Variants in SGCG observed in about 807,000 individuals in gnomAD.
The protein encoded by SGCG is sarcoglycan gamma, also known as gamma-sarcoglycan.
A neutral mutation model predicts 29.3 loss-of-function variants in SGCG; 26 were observed. The ratio of observed to expected loss-of-function variants is 0.89; its 90% CI spans 0.65 to 1.23. SGCG has a LOEUF of 1.23. Ranked by LOEUF, SGCG falls within the 50% of genes most tolerant of loss-of-function variation. The probability of loss-of-function intolerance (pLI) is 0.00; values close to 1 mark genes in which losing one functional copy is unlikely to be tolerated. For missense variants in SGCG, 353 were observed against 356.0 expected (o/e 0.99, Z 0.07); for synonymous variants, 145 against 129.7 (o/e 1.12, Z -0.80).
intron 3 of SGCG, among the ~76,000 whole-genome samples, chr13:23,241,227 AC>A (rs1298166008): frequency 6.6e-6 from 1 of 151,946 alleles, no homozygotes; most frequent in African/African-American, 2.4e-5. Context: ...AACATGTTAG[AC>A]CAAAAATCAA....
intron 3 of SGCG, among the ~76,000 whole-genome samples, chr13:23,235,995 G>C (rs1323841209): frequency 1.3e-5 from 2 of 152,168 alleles, no homozygotes; most frequent in African/African-American, 2.4e-5. Context: ...ATCCCAGTAA[G>C]TGAAAAGTAC....
chr13:23,242,672 G>T (rs1475282818), intron 3 of SGCG, among the ~76,000 whole-genome samples: 1 of 152,062 alleles, frequency 6.6e-6, no homozygotes, highest in Non-Finnish European at 1.5e-5. Flanking sequence ...GGCATCATTA[G>T]CTAATGATAA....
At chr13:23,240,572 A>G (rs1170929245) in intron 3 of SGCG, among the ~76,000 whole-genome samples, 1 of 152,252 alleles carries the variant, frequency 6.6e-6, no homozygotes, top group Non-Finnish European at 1.5e-5. Context: ...TTTGAACCAT[A>G]AAACAATCTG....
chr13:23,264,200 A>T (rs974966715), intron 4 of SGCG, among the ~76,000 whole-genome samples: 17 of 152,176 alleles, frequency 1.1e-4, no homozygotes, highest in African/African-American at 3.9e-4. Context: ...CCTCCAGAAG[A>T]CTCCTAGATT....
Position 23,320,686 on chromosome 13 carries a change from C to A in SGCG, c.628C>A (p.His210Asn), listed in dbSNP as rs368027244. Residue 210 changes from histidine to asparagine, a missense_variant, in exon 7 of 8, where the codon CAT (histidine) becomes AAT (asparagine). Physicochemically the swap from His to Asn is moderately conservative, Grantham distance 68. Transcript: ENST00000218867. ...AAGCATGGATGCCCCAAGGGGTGTG[C>A]ATATTCAAGCTCACGCTGGGAAAAT... ...SLSMDAPRGV[H>N]IQAHAGKIEA... 8 of 1,605,678 alleles carry A rather than the reference C, an allele frequency of 5.0e-6. No individual in the cohort carries two copies. The highest frequency in any genetic ancestry group is 6.8e-6 in the Non-Finnish European group (8 of 1,175,788).
chr13:23,160,679 C>T, the SGCG span, among the ~76,000 whole-genome samples: 1 of 152,152 alleles, frequency 6.6e-6, no homozygotes, highest in South Asian at 2.1e-4. Context: ...GCCACTTCGC[C>T]TTCAGTTCCC....
chr13:23,322,326 C>T (rs745664998), intron 7 of SGCG, among the ~76,000 whole-genome samples: 9 of 152,272 alleles, frequency 5.9e-5, no homozygotes, highest in South Asian at 2.1e-4. Context: ...ACAGACAGGG[C>T]GGTCCAGTAG....
the SGCG span, among the ~76,000 whole-genome samples, chr13:23,169,262 A>T: frequency 1.6e-3 from 236 of 152,008 alleles, no homozygotes; most frequent in South Asian, 7.9e-3. Flanking sequence ...GACTGATGGC[A>T]GGGAGTCATT....
At chr13:23,314,176 G>C (rs1428861590) in intron 6 of SGCG, among the ~76,000 whole-genome samples, 1 of 135,748 alleles carries the variant, frequency 7.4e-6, no homozygotes, top group Non-Finnish European at 1.7e-5. Context: ...GTTTTGAACA[G>C]TATATATATA....
chr13:23,305,073 A>G (rs1293040811), intron 6 of SGCG, among the ~76,000 whole-genome samples: 8 of 152,196 alleles, frequency 5.3e-5, no homozygotes, highest in Non-Finnish European at 1.2e-4. Flanking sequence ...ATTTTTGCAC[A>G]TGAACTTGAG....
At chr13:23,212,143 A>G (rs539220510) in intron 2 of SGCG, among the ~76,000 whole-genome samples, 7 of 152,236 alleles carry the variant, frequency 4.6e-5, no homozygotes, top group Admixed American at 4.6e-4. Context: ...CCTCCCCAGA[A>G]GCCAAGCAGA....
intron 2 of SGCG, among the ~76,000 whole-genome samples, chr13:23,209,348 A>G (rs1878108042): frequency 1.3e-5 from 2 of 152,210 alleles, no homozygotes; most frequent in South Asian, 4.1e-4. Context: ...TTTCCCATTA[A>G]GAATCTTTCA....
chr13:23,297,247 G>A (rs1881942093), intron 6 of SGCG, among the ~76,000 whole-genome samples: 1 of 144,248 alleles, frequency 6.9e-6, no homozygotes, highest in Admixed American at 6.9e-5. Context: ...TTTTTTTTGA[G>A]ATGGAATTTT....
chr13:23,227,923 C>G (rs9652064), intron 2 of SGCG, among the ~76,000 whole-genome samples: 58,020 of 151,966 alleles, frequency 0.38, 11,256 homozygotes, highest in Admixed American at 0.4. Context: ...GGATCCTCCC[C>G]GCTCAGCCTC....
chr13:23,255,016 G>T (rs1440520652), intron 4 of SGCG, among the ~76,000 whole-genome samples: 1 of 152,218 alleles, frequency 6.6e-6, no homozygotes, highest in Non-Finnish European at 1.5e-5. Context: ...GCCCCACAAA[G>T]ATACTGTACT....
intron 4 of SGCG, among the ~76,000 whole-genome samples, chr13:23,262,441 A>ATAGCTT (rs1880476354): frequency 6.6e-6 from 1 of 152,024 alleles, no homozygotes; most frequent in Admixed American, 6.6e-5. Context: ...GAGGATCAGT[A>ATAGCTT]CACCAAGAAG....
intron 4 of SGCG, among the ~76,000 whole-genome samples, chr13:23,251,186 T>C (rs1879953150): frequency 6.6e-6 from 1 of 152,236 alleles, no homozygotes; most frequent in Non-Finnish European, 1.5e-5. Flanking sequence ...CTGTATCACT[T>C]CTCACTGTAC....
At chr13:23,273,175 C>T (rs140903268) in intron 4 of SGCG, among the ~76,000 whole-genome samples, 4,272 of 136,342 alleles carry the variant, frequency 0.031, 86 homozygotes, top group Non-Finnish European at 0.037. Context: ...TTTTGAATTA[C>T]GAACTTAGTT....
At chr13:23,233,436 C>T (rs1474586456) in intron 2 of SGCG, among the ~76,000 whole-genome samples, 1 of 152,054 alleles carries the variant, frequency 6.6e-6, no homozygotes, top group Non-Finnish European at 1.5e-5. Context: ...AATTGTACCC[C>T]AAAATGTGTA....
Sources: allele counts gnomAD v4.1 joint callset (sites outside exome capture counted in the v4.1 genomes callset), GRCh38; gene constraint gnomAD v4.1.1; transcripts MANE v1.5; gene names NCBI Gene and HGNC (gene_info 2026-07-23, HGNC 2026-07-21).